NLGN1: variants seen among roughly 807,000 people sequenced by gnomAD.
The protein encoded by NLGN1 is neuroligin-1.
NLGN1 carries 12 observed loss-of-function variants against 65.5 expected under a neutral mutation model. The observed-to-expected ratio is 0.18, with a 90% CI of 0.12 to 0.30. The LOEUF (loss-of-function observed/expected upper bound fraction) is 0.30. Ranked by LOEUF, NLGN1 falls within the 10% of genes least tolerant of loss-of-function variation. The pLI is 1.00. For synonymous variants in NLGN1, 350 were observed against 359.5 expected (o/e 0.97, Z 0.30); for missense variants, 750 against 1,007.1 (o/e 0.74, Z 3.46).
chr3:174,108,711 G>C (rs1183884918), intron 4 of NLGN1, among the ~76,000 whole-genome samples: 1 of 152,062 alleles, frequency 6.6e-6, no homozygotes, highest in Non-Finnish European at 1.5e-5. Context: ...CAACTTGCAA[G>C]GATTCTTGCT....
chr3:174,091,493 G>A lies in NLGN1; in HGVS notation c.647-183822G>A, dbSNP rs1037969402. Among the ~76,000 whole-genome samples, 7 of 152,184 alleles carry A rather than the reference G, an allele frequency of 4.6e-5. No individual in the cohort carries two copies. The East Asian group carries it at 9.7e-4, about 21-fold the overall frequency. On this transcript the variant is annotated intron_variant, in intron 4 of 6. Coordinates refer to ENST00000457714, the Ensembl canonical transcript of NLGN1. ...CTAATGTACTATAGTATTTAGTCAG[G>A]GACCATGCTGCTTCCAAAATAGATC...
intron 3 of NLGN1, among the ~76,000 whole-genome samples, chr3:173,679,073 C>T (rs1763573388): frequency 6.7e-6 from 1 of 150,238 alleles, no homozygotes; most frequent in Non-Finnish European, 1.5e-5. Context: ...AATACTGAAC[C>T]AGTCTGTCAG....
intron 4 of NLGN1, among the ~76,000 whole-genome samples, chr3:173,943,093 G>A (rs1159700366): frequency 6.6e-6 from 1 of 151,974 alleles, no homozygotes; most frequent in Non-Finnish European, 1.5e-5. Context: ...GGGCATGGTG[G>A]CACATGCTTG....
At chr3:173,483,936 A>C (rs1490173637) in intron 2 of NLGN1, among the ~76,000 whole-genome samples, 1 of 152,176 alleles carries the variant, frequency 6.6e-6, no homozygotes, top group African/African-American at 2.4e-5. Context: ...ACAGTTTATA[A>C]TACAGTCAGC....
intron 4 of NLGN1, among the ~76,000 whole-genome samples, chr3:173,827,284 T>G (rs940028701): frequency 2.6e-5 from 4 of 152,000 alleles, no homozygotes; most frequent in East Asian, 3.9e-4. Flanking sequence ...GTAGAGTCTG[T>G]AGGTTGAGGT....
At chr3:174,269,431 G>A (rs1167060199) in intron 4 of NLGN1, among the ~76,000 whole-genome samples, 2 of 151,856 alleles carry the variant, frequency 1.3e-5, no homozygotes, top group Non-Finnish European at 1.5e-5. Flanking sequence ...GAATCCTACA[G>A]TATTTGCTTT....
intron 4 of NLGN1, among the ~76,000 whole-genome samples, chr3:174,098,640 A>G (rs61506242): frequency 0.015 from 2,222 of 152,232 alleles, 63 homozygotes; most frequent in African/African-American, 0.049. Flanking sequence ...CATTGAAATC[A>G]CCTGATGGTC....
At chr3:173,782,934 A>G (rs1032540292) in intron 3 of NLGN1, among the ~76,000 whole-genome samples, 2 of 150,988 alleles carry the variant, frequency 1.3e-5, no homozygotes, top group Non-Finnish European at 3.0e-5. Flanking sequence ...GATCTCCTGA[A>G]TATATTGTTG....
chr3:173,401,588 G>A (rs488029), intron 1 of NLGN1, among the ~76,000 whole-genome samples: 90,461 of 151,722 alleles, frequency 0.6, 27,451 homozygotes, highest in African/African-American at 0.71. Context: ...TTCCATTCTC[G>A]TATCACTGCC....
In NLGN1 at chr3:174,279,757, C is replaced by T. The variant is rs1751243956; in HGVS notation, c.1649+107C>T. On this transcript the variant is annotated intron_variant, in intron 6 of 6. Transcript: ENST00000457714. The surrounding 1 kb of genome is among the most constrained non-coding windows in gnomAD (Gnocchi z 4.7). ...TAATGTCATATTGGATTAATACCTG[C>T]AAGATATTACATTCCTTTATTCAAA... The T allele has an allele frequency of 1.6e-6, 1 of 639,272 alleles. No individual in the cohort carries two copies. 39.6% of individuals were successfully genotyped at this position (639,272 alleles called of 1,614,324 possible).
intron 4 of NLGN1, among the ~76,000 whole-genome samples, chr3:173,933,846 C>A (rs527446653): frequency 1.8e-4 from 28 of 152,162 alleles, no homozygotes; most frequent in Non-Finnish European, 4.0e-4. Context: ...ATGTATCTCT[C>A]AACCTCAAAG....
chr3:173,436,713 C>T (rs1031482460), intron 2 of NLGN1, among the ~76,000 whole-genome samples: 1 of 152,168 alleles, frequency 6.6e-6, no homozygotes, highest in Admixed American at 6.5e-5. Flanking sequence ...TTTTAAAAAT[C>T]CAACAAATGC....
intron 4 of NLGN1, among the ~76,000 whole-genome samples, chr3:174,015,710 G>A (rs291921): frequency 0.95 from 145,298 of 152,272 alleles, 69,421 homozygotes; most frequent in East Asian, 1. Context: ...GAAAACAGAA[G>A]ACAGGAGTGG....
chr3:173,744,119 A>C (rs1775028963), intron 3 of NLGN1, among the ~76,000 whole-genome samples: 1 of 152,110 alleles, frequency 6.6e-6, no homozygotes, highest in South Asian at 2.1e-4. Flanking sequence ...ATCAACATTT[A>C]TATCTGTGCT....
At chr3:173,850,183 A>G (rs544943166) in intron 4 of NLGN1, among the ~76,000 whole-genome samples, 1 of 152,284 alleles carries the variant, frequency 6.6e-6, no homozygotes, top group South Asian at 2.1e-4. Flanking sequence ...ACTAAGTGAC[A>G]TAAAATTTTA....
intron 4 of NLGN1, among the ~76,000 whole-genome samples, chr3:173,949,648 T>A (rs912200308): frequency 1.3e-5 from 2 of 152,058 alleles, no homozygotes; most frequent in African/African-American, 4.8e-5. Flanking sequence ...CTATAAACAT[T>A]CAGTTTGAAA....
At chr3:174,182,148 T>C (rs781593746) in intron 4 of NLGN1, among the ~76,000 whole-genome samples, 19 of 152,196 alleles carry the variant, frequency 1.2e-4, no homozygotes, top group Non-Finnish European at 2.2e-4. Context: ...AATCTTTTTT[T>C]CTAAATATAT....
intron 4 of NLGN1, among the ~76,000 whole-genome samples, chr3:174,027,062 T>G (rs1471135073): frequency 7.5e-6 from 1 of 132,866 alleles, no homozygotes; most frequent in Non-Finnish European, 1.6e-5. Flanking sequence ...TAGTTCAATT[T>G]TTTTAAAAAA....
rs547908710 is a variant in NLGN1 at position 173,803,502 on chromosome 3, G to A, written c.494-4178G>A. ...GAGCACCTATAATCTCAGGTACTCCGGAGGCTGAGGCATGAGAATTGCTTA... is the reference window on the plus strand; with the variant it reads ...GAGCACCTATAATCTCAGGTACTCCAGAGGCTGAGGCATGAGAATTGCTTA... On this transcript the variant is annotated intron_variant, in intron 3 of 6. Transcript: ENST00000457714. Among the ~76,000 whole-genome samples, 7 of 152,128 alleles carry A rather than the reference G, an allele frequency of 4.6e-5. No homozygotes were observed. In the South Asian group the frequency reaches 6.2e-4, roughly 14 times the overall value.
Sources: gnomAD v4.1 joint callset for allele counts (sites outside exome capture counted in the v4.1 genomes callset) on GRCh38, gnomAD v4.1.1 for gene constraint, Gnocchi (gnomAD v3.1) non-coding constraint, MANE v1.5 for transcripts, NCBI Gene and HGNC (gene_info 2026-07-23, HGNC 2026-07-21) for gene names.